Variants in SCN3A observed in about 807,000 individuals in gnomAD.
SCN3A encodes sodium channel protein type 3 subunit alpha.
SCN3A carries 60 observed loss-of-function variants against 187.6 expected under a neutral mutation model. That is an observed-to-expected ratio of 0.32 (90% CI 0.26 to 0.40). The LOEUF is 0.40. Among genes scored for constraint, SCN3A ranks in the 10% least tolerant of loss-of-function variants. The pLI is 1.00. For synonymous variants in SCN3A, 788 were observed against 829.2 expected (o/e 0.95, Z 0.85); for missense variants, 1,601 against 2,428.2 (o/e 0.66, Z 7.16).
intron 18 of SCN3A, among the ~76,000 whole-genome samples, chr2:165,117,754 T>C (rs1174395728): frequency 6.6e-6 from 1 of 152,110 alleles, no homozygotes; most frequent in East Asian, 1.9e-4. Flanking sequence ...ATGCATTGTC[T>C]TATTAAATAG....
intron 19 of SCN3A, 31 bp downstream of exon 19, chr2:165,115,424 A>G (rs780832282): frequency 8.7e-6 from 14 of 1,612,902 alleles, no homozygotes; most frequent in Middle Eastern, 1.7e-4. Flanking sequence ...ACAAGGGGAG[A>G]TTGTATTTAA....
chr2:165,094,059 A>G (rs1685242243), intron 26 of SCN3A: 2 of 365,080 alleles, frequency 5.5e-6, no homozygotes, highest in Non-Finnish European at 1.0e-5. Context: ...GGAGAGTGGG[A>G]TGGGAAGGCT....
At chr2:165,176,989 C>G (rs1284283907) in intron 2 of SCN3A, among the ~76,000 whole-genome samples, 4 of 152,028 alleles carry the variant, frequency 2.6e-5, no homozygotes, top group Non-Finnish European at 5.9e-5. Context: ...GAAGTTTTGC[C>G]AAACCCAACC....
At chr2:165,125,645 T>A (rs1034107955) in intron 18 of SCN3A, among the ~76,000 whole-genome samples, 1 of 152,158 alleles carries the variant, frequency 6.6e-6, no homozygotes, top group African/African-American at 2.4e-5. Context: ...AGGTCTTTAA[T>A]AATTTCATGA....
At chr2:165,131,822 A>G (rs971503623) in intron 15 of SCN3A, among the ~76,000 whole-genome samples, 19 of 143,566 alleles carry the variant, frequency 1.3e-4, no homozygotes, top group African/African-American at 2.1e-4. Context: ...TCATTATTCA[A>G]TTCCCACTTA....
At chr2:165,161,229 C>G (rs778573199) in intron 9 of SCN3A, among the ~76,000 whole-genome samples, 9 of 132,462 alleles carry the variant, frequency 6.8e-5, no homozygotes, top group Admixed American at 1.8e-4. Context: ...TTACAATTGT[C>G]CATGTGATAG....
intron 18 of SCN3A, among the ~76,000 whole-genome samples, chr2:165,122,226 CTTTCTTTTT>C (rs950716806): frequency 5.0e-5 from 6 of 119,302 alleles, no homozygotes; most frequent in African/African-American, 1.8e-4. Flanking sequence ...TTTTTTCTTT[CTTTCTTTTT>C]TTTCTTTTTT....
At chr2:165,170,824 G>A (rs561605603) in intron 3 of SCN3A, among the ~76,000 whole-genome samples, 7 of 151,978 alleles carry the variant, frequency 4.6e-5, no homozygotes, top group Admixed American at 2.0e-4. Context: ...GAATTGTAGC[G>A]TTACAGATTC....
chr2:165,125,292 A>G (rs1019879750), intron 18 of SCN3A, among the ~76,000 whole-genome samples: 1 of 151,412 alleles, frequency 6.6e-6, no homozygotes, highest in African/African-American at 2.4e-5. Context: ...CTCACATGCA[A>G]CCTGACAGGA....
At chr2:165,185,936 T>G (rs1559274634) in intron 2 of SCN3A, among the ~76,000 whole-genome samples, 1 of 152,076 alleles carries the variant, frequency 6.6e-6, no homozygotes, top group South Asian at 2.1e-4. Context: ...GGTAATTTAC[T>G]AAATAGACAG....
chr2:165,130,741 G>T (rs1687264514), intron 16 of SCN3A, among the ~76,000 whole-genome samples: 2 of 151,860 alleles, frequency 1.3e-5, no homozygotes, highest in South Asian at 4.2e-4. Context: ...GAAAAAAATT[G>T]AAAAAATACA....
intron 10 of SCN3A, 106 bp downstream of exon 10, chr2:165,155,656 C>G (rs572252745): frequency 3.8e-6 from 5 of 1,317,390 alleles, no homozygotes; most frequent in Admixed American, 1.8e-5. Flanking sequence ...GCCTCTGCCT[C>G]CCAAAGTGCT....
chr2:165,144,252 G>GT, intron 12 of SCN3A, among the ~76,000 whole-genome samples: 1 of 152,112 alleles, frequency 6.6e-6, no homozygotes, highest in Non-Finnish European at 1.5e-5. Flanking sequence ...CTGCTTGTTA[G>GT]TTTTGTTAAT....
chr2:165,194,463 G>C (rs1354187444), intron 1 of SCN3A, among the ~76,000 whole-genome samples: 1 of 152,078 alleles, frequency 6.6e-6, no homozygotes, highest in African/African-American at 2.4e-5. Context: ...AGGTAGGTGT[G>C]TCACATCTAT....
intron 1 of SCN3A, among the ~76,000 whole-genome samples, chr2:165,190,487 C>T (rs1691520324): frequency 6.8e-6 from 1 of 148,136 alleles, no homozygotes; most frequent in Non-Finnish European, 1.5e-5. Context: ...ATTCCTATTG[C>T]ACAAAGATAT....
intron 21 of SCN3A, among the ~76,000 whole-genome samples, chr2:165,102,443 G>T (rs1685651549): frequency 6.6e-6 from 1 of 152,114 alleles, no homozygotes; most frequent in Admixed American, 6.6e-5. Context: ...TTAAGCCCAG[G>T]AGTTCCAGGT....
intron 12 of SCN3A, among the ~76,000 whole-genome samples, chr2:165,142,990 G>A (rs1688104421): frequency 6.6e-6 from 1 of 152,094 alleles, no homozygotes; most frequent in Non-Finnish European, 1.5e-5. Context: ...AACCTCAGGT[G>A]ATCTGCCCGC....
At chr2:165,153,159 A>G (rs1688794519) in intron 11 of SCN3A, among the ~76,000 whole-genome samples, 1 of 152,160 alleles carries the variant, frequency 6.6e-6, no homozygotes, top group Non-Finnish European at 1.5e-5. Context: ...CCTATGGACA[A>G]CTAATAATTG....
At position 165,176,314 on chromosome 2, in the gene SCN3A, T is replaced by A. The variant is rs1290381517; in HGVS notation, c.81A>T (p.Lys27Asn). The A allele has an allele frequency of 6.2e-7, 1 of 1,613,968 alleles. No individual in the cohort carries two copies. The highest frequency in any genetic ancestry group is 2.2e-5 in the East Asian group (1 of 44,870). The stretch of plus-strand genomic sequence containing the variant: ...TCTTGGCTTTCTCTTCTGCAGCACG[T>A]TTTTCGATAGCAGCAAGAGATTCTC... ...FTRESLAAIE[K>N]RAAEEKAKKP... Residue 27 changes from lysine (K) to asparagine (N), a missense_variant, in exon 3 of 28, where the codon AAA becomes AAT. Coordinates refer to ENST00000283254, the MANE Select transcript of SCN3A (RefSeq NM_006922.4).
Sources: gnomAD v4.1 joint callset for allele counts (sites outside exome capture counted in the v4.1 genomes callset) on GRCh38, gnomAD v4.1.1 for gene constraint, MANE v1.5 for transcripts, NCBI Gene and HGNC (gene_info 2026-07-23, HGNC 2026-07-21) for gene names.